Variants in UTF1 observed in about 807,000 individuals in gnomAD.
The protein encoded by UTF1 is undifferentiated embryonic cell transcription factor 1.
A neutral mutation model predicts 11.8 loss-of-function variants in UTF1; 8 were observed. The ratio of observed to expected loss-of-function variants is 0.68; its 90% CI spans 0.40 to 1.23. UTF1 has a LOEUF of 1.23. Among genes scored for constraint, UTF1 ranks in the 50% most tolerant of loss-of-function variants. The pLI is 0.01. For synonymous variants in UTF1, 344 were observed against 271.7 expected (o/e 1.27, Z -2.62); for missense variants, 545 against 542.1 (o/e 1.01, Z -0.05).
In UTF1 at chr10:133,230,823, G is replaced by A. The variant is rs1451351234; in HGVS notation, c.535G>A (p.Ala179Thr). The change falls in exon 1 of 2, where the codon GCT becomes ACT. Residue 179 changes from alanine (A) to threonine (T), a missense_variant. This residue lies in a region of UTF1 where 394 missense variants were observed against 341.5 expected (regional missense o/e 1.15). Transcript: ENST00000304477. ...RRPVPNAHAP[A>T]PSEPDATPLP... Reference sequence around the variant, plus strand: ...CCCGGTCCCCAACGCGCACGCGCCGGCTCCCAGCGAACCAGGTAGGCGGGG... The same window carrying A: ...CCCGGTCCCCAACGCGCACGCGCCGACTCCCAGCGAACCAGGTAGGCGGGG... 1.5e-6 allele frequency: 2 copies of A among 1,307,668 alleles called. No homozygotes were observed. Among genetic ancestry groups the A allele is most frequent in the Non-Finnish European group, 1.9e-6 (2 of 1,036,846 alleles). The allele number at this position is 1,307,668 out of a possible 1,614,324, so 81.0% of individuals were successfully genotyped here.
In UTF1 at chr10:133,230,438, G is replaced by A; in HGVS notation, c.150G>A (p.Gly50=). The change falls in exon 1 of 2, where the codon GGG becomes GGA. Residue 50 remains glycine, a synonymous_variant. Coordinates refer to ENST00000304477, the MANE Select transcript of UTF1 (RefSeq NM_003577.3). ...PASPSALGEL[G]LPVSPGSAQR... Reference sequence around the variant, plus strand: ...CGCCCAGCGCGCTGGGGGAACTCGGGTTGCCGGTGTCCCCGGGCTCGGCGC... The same window carrying A: ...CGCCCAGCGCGCTGGGGGAACTCGGATTGCCGGTGTCCCCGGGCTCGGCGC... 2 of 1,394,322 alleles carry A rather than the reference G, an allele frequency of 1.4e-6. No homozygotes were observed. The highest frequency in any genetic ancestry group is 1.5e-5 in the South Asian group (1 of 68,956). 86.4% of individuals were successfully genotyped at this position (1,394,322 alleles called of 1,614,324 possible). A position where few individuals can be genotyped will look rare whatever the true frequency, so the allele number is the denominator to read the frequency against.
chr10:133,231,374 C>A lies in UTF1; in HGVS notation c.958C>A (p.Leu320Met). ...LRGAFDQTVS[L>M]AVGFILGSAA... ...CGGCGCCTTCGACCAGACAGTGTCC[C>A]TGGCCGTGGGCTTCATTCTGGGCAG... The change falls in exon 2 of 2, where the codon CTG becomes ATG. Residue 320 changes from leucine to methionine, a missense_variant. By Grantham distance (15) the Leu-to-Met change is conservative (BLOSUM62 2). Transcript: ENST00000304477. 1.3e-6 allele frequency: 2 copies of A among 1,593,498 alleles called. No individual in the cohort carries two copies. Among genetic ancestry groups the A allele is most frequent in the East Asian group, 2.3e-5 (1 of 44,216 alleles).
chr10:133,230,958 C>G lies in UTF1; in HGVS notation c.551-9C>G. 1.5e-6 allele frequency: 2 copies of G among 1,304,274 alleles called. No homozygotes were observed. The highest frequency in any genetic ancestry group is 9.7e-7 in the Non-Finnish European group (1 of 1,030,838). The allele number at this position is 1,304,274 out of a possible 1,614,324, so 80.8% of individuals were successfully genotyped here. On this transcript the variant is annotated splice_polypyrimidine_tract_variant and intron_variant, in intron 1 of 1. Coordinates refer to ENST00000304477, the MANE Select transcript of UTF1 (RefSeq NM_003577.3). ...AAAATCCGCCCGACCGCCTGCTCCG[C>G]GTTCCCAGACGCCACCCCGCTGCCC...
In UTF1 at chr10:133,231,462, T is replaced by C. The variant is rs922714286; in HGVS notation, c.*20T>C. 7 of 1,428,228 alleles carry C rather than the reference T, an allele frequency of 4.9e-6. No homozygotes were observed. Among genetic ancestry groups the C allele is most frequent in the Non-Finnish European group, 6.4e-6 (7 of 1,092,498 alleles). 88.5% of individuals were successfully genotyped at this position (1,428,228 alleles called of 1,614,324 possible). A position where few individuals can be genotyped will look rare whatever the true frequency, so the allele number is the denominator to read the frequency against. ...CAGTGAGTCCCGGCTGCGGCCAGTC[T>C]CCCCTCTCCAGGCCGAGGCCCCTCC... On this transcript the variant is annotated 3_prime_UTR_variant, in exon 2 of 2. Transcript: ENST00000304477.
Position 133,230,785 on chromosome 10 carries a change from A to G in UTF1, c.497A>G (p.Gln166Arg). ...CGCTCCCCGGGGTCCGGGCGCCCCC[A>G]GCGCGCCCGCCGCCCGGTCCCCAAC... is the stretch of plus-strand genomic sequence containing the variant. The part of the protein sequence containing the change: ...RRRSPGSGRP[Q>R]RARRPVPNAH... The change falls in exon 1 of 2, where the codon CAG becomes CGG. Residue 166 changes from glutamine to arginine, a missense_variant. By Grantham distance (43) the Gln-to-Arg change is conservative (BLOSUM62 1). Transcript: ENST00000304477. The G allele has an allele frequency of 7.5e-7, 1 of 1,333,328 alleles. No individual in the cohort carries two copies. 82.6% of individuals were successfully genotyped at this position (1,333,328 alleles called of 1,614,324 possible).
chr10:133,230,236 CG>C lies in UTF1; in HGVS notation c.-50del. The stretch of plus-strand genomic sequence containing the variant: ...ATGCTCAGAACGCGTGTGGGCGGCC[CG>C]GGCGGCGTCTGGCCCTCTCCCCATC... On this transcript the variant is annotated 5_prime_UTR_variant, in exon 1 of 2. Coordinates refer to ENST00000304477, the MANE Select transcript of UTF1 (RefSeq NM_003577.3). 1 of 1,028,786 alleles carries C rather than the reference CG, an allele frequency of 9.7e-7. No homozygotes were observed. Among genetic ancestry groups the C allele is most frequent in the Non-Finnish European group, 1.2e-6 (1 of 859,740 alleles). The allele number at this position is 1,028,786 out of a possible 1,614,324, so 63.7% of individuals were successfully genotyped here. A position where few individuals can be genotyped will look rare whatever the true frequency, so the allele number is the denominator to read the frequency against.
chr10:133,230,359 C>T lies in UTF1; in HGVS notation c.71C>T (p.Pro24Leu). Residue 24 changes from proline to leucine, a missense_variant, in exon 1 of 2, where the codon CCC (proline) becomes CTC (leucine). Around this residue, in one of 3 missense-constraint regions of UTF1, gnomAD observed 129 missense variants for 148.5 expected, o/e 0.87. Transcript: ENST00000304477. ...CCGCCCTCGCCCGCCAGCCCCGACC[C>T]CGAGCCGCGGACACCCGGAGACGCC... is the stretch of plus-strand genomic sequence containing the variant. ...PAPPSPASPD[P>L]EPRTPGDAPG... is the part of the protein sequence containing the mutation. The T allele has an allele frequency of 8.3e-7, 1 of 1,198,320 alleles. No individual in the cohort carries two copies. The highest frequency in any genetic ancestry group is 1.0e-6 in the Non-Finnish European group (1 of 967,190). The allele number at this position is 1,198,320 out of a possible 1,614,324, so 74.2% of individuals were successfully genotyped here.
In UTF1 at chr10:133,230,982, C is replaced by G. The variant is rs1157896106; in HGVS notation, c.566C>G (p.Pro189Arg). Residue 189 changes from proline (P) to arginine (R), a missense_variant, in exon 2 of 2, where the codon CCC (proline) becomes CGC (arginine). This residue lies in a region of UTF1 where 394 missense variants were observed against 341.5 expected (regional missense o/e 1.15). Coordinates refer to ENST00000304477, the MANE Select transcript of UTF1 (RefSeq NM_003577.3). Reference sequence around the variant, plus strand: ...GCGTTCCCAGACGCCACCCCGCTGCCCACCGCCCGCGACCGCGACGCGGAC... The same window carrying G: ...GCGTTCCCAGACGCCACCCCGCTGCGCACCGCCCGCGACCGCGACGCGGAC... The part of the protein sequence containing the change: ...APSEPDATPL[P>R]TARDRDADPT... 7.5e-7 allele frequency: 1 copy of G among 1,328,372 alleles called. No homozygotes were observed. The highest frequency in any genetic ancestry group is 3.2e-5 in the East Asian group (1 of 31,366). 82.3% of individuals were successfully genotyped at this position (1,328,372 alleles called of 1,614,324 possible).
At position 133,230,463 on chromosome 10, in the gene UTF1, C is replaced by A; in HGVS notation, c.175C>A (p.Gln59Lys). Residue 59 changes from glutamine to lysine, a missense_variant, in exon 1 of 2, where the codon CAG (glutamine) becomes AAG (lysine). Around this residue, in one of 3 missense-constraint regions of UTF1, gnomAD observed 129 missense variants for 148.5 expected, o/e 0.87. Transcript: ENST00000304477. ...LGLPVSPGSA[Q>K]RTPWSARETE... ...GTTGCCGGTGTCCCCGGGCTCGGCG[C>A]AGCGCACGCCCTGGAGCGCCCGGGA... 1 of 1,419,750 alleles carries A rather than the reference C, an allele frequency of 7.0e-7. No homozygotes were observed. Among genetic ancestry groups the A allele is most frequent in the Non-Finnish European group, 9.2e-7 (1 of 1,087,200 alleles). 87.9% of individuals were successfully genotyped at this position (1,419,750 alleles called of 1,614,324 possible). A position where few individuals can be genotyped will look rare whatever the true frequency, so the allele number is the denominator to read the frequency against.
rs188687239 is a variant in UTF1 at position 133,231,126 on chromosome 10, G to C, written c.710G>C (p.Arg237Pro). 2 of 1,173,318 alleles carry C rather than the reference G, an allele frequency of 1.7e-6. No homozygotes were observed. Among genetic ancestry groups the C allele is most frequent in the Non-Finnish European group, 2.1e-6 (2 of 958,812 alleles). 72.7% of individuals were successfully genotyped at this position (1,173,318 alleles called of 1,614,324 possible). Residue 237 changes from arginine to proline, a missense_variant, in exon 2 of 2, where the codon CGC becomes CCC. Transcript: ENST00000304477. ...CTCGCCACCTGCATCCCCGAGGACC[G>C]CGCGCCCGTCCGCGGCCCCGGGTCC... is the stretch of plus-strand genomic sequence containing the variant. ...TALATCIPED[R>P]APVRGPGSPP...
In UTF1 at chr10:133,231,526, G is replaced by T. The variant is rs553055444; in HGVS notation, c.*84G>T. 1.2e-4 allele frequency: 140 copies of T among 1,130,930 alleles called. No homozygotes were observed. Among genetic ancestry groups the T allele is most frequent in the Non-Finnish European group, 1.5e-4 (127 of 841,776 alleles). 70.1% of individuals were successfully genotyped at this position (1,130,930 alleles called of 1,614,324 possible). A position where few individuals can be genotyped will look rare whatever the true frequency, so the allele number is the denominator to read the frequency against. On this transcript the variant is annotated 3_prime_UTR_variant, in exon 2 of 2. Transcript: ENST00000304477. ...CTGCTGCCTTCCCACCCCCGTTCTT[G>T]GGTATGTTCAATAAAAGGATTGTTT... is the stretch of plus-strand genomic sequence containing the variant.
rs1022283842 is a variant in UTF1 at position 133,230,330 on chromosome 10, C to T, written c.42C>T (p.Pro14=). The T allele has an allele frequency of 6.6e-5, 74 of 1,119,692 alleles. 1 individual carries two copies. The African/African-American group carries it at 1.1e-3, about 17-fold the overall frequency. The allele number at this position is 1,119,692 out of a possible 1,614,324, so 69.4% of individuals were successfully genotyped here. Residue 14 remains proline (P), a synonymous_variant, in exon 1 of 2, where the codon CCC becomes CCT. Coordinates refer to ENST00000304477, the MANE Select transcript of UTF1 (RefSeq NM_003577.3). ...RPRRPPPLAP[P]APPSPASPDP... is the part of the protein sequence containing the mutation. ...GCAGGCCGCCCCCGCTCGCGCCCCC[C>T]GCGCCGCCCTCGCCCGCCAGCCCCG...
chr10:133,231,013 C>G lies in UTF1; in HGVS notation c.597C>G (p.Thr199=). 2.2e-6 allele frequency: 3 copies of G among 1,337,378 alleles called. No individual in the cohort carries two copies. The highest frequency in any genetic ancestry group is 3.7e-5 in the South Asian group (2 of 53,832). The allele number at this position is 1,337,378 out of a possible 1,614,324, so 82.8% of individuals were successfully genotyped here. ...CCCGCGACCGCGACGCGGACCCCAC[C>G]TGGACGCTCCGCTTCAGCCCGTCCC... is the stretch of plus-strand genomic sequence containing the variant. ...PTARDRDADP[T]WTLRFSPSPP... is the part of the protein sequence containing the mutation. The change falls in exon 2 of 2, where the codon ACC becomes ACG. Residue 199 remains threonine, a synonymous_variant. Transcript: ENST00000304477.
rs1034272421 is a variant in UTF1 at position 133,231,367 on chromosome 10, A to G, written c.951A>G (p.Thr317=). The change falls in exon 2 of 2, where the codon ACA becomes ACG. Residue 317 remains threonine (T), a synonymous_variant. Transcript: ENST00000304477. The part of the protein sequence containing the change: ...VEQLRGAFDQ[T]VSLAVGFILG... The stretch of plus-strand genomic sequence containing the variant: ...AGCTGCGCGGCGCCTTCGACCAGAC[A>G]GTGTCCCTGGCCGTGGGCTTCATTC... The G allele has an allele frequency of 1.0e-5, 16 of 1,595,784 alleles. No individual in the cohort carries two copies. The highest frequency in any genetic ancestry group is 2.7e-5 in the African/African-American group (2 of 74,618).
Position 133,230,788 on chromosome 10 carries a change from G to A in UTF1, c.500G>A (p.Arg167His). 7.5e-7 allele frequency: 1 copy of A among 1,333,996 alleles called. No homozygotes were observed. The highest frequency in any genetic ancestry group is 9.5e-7 in the Non-Finnish European group (1 of 1,050,632). The allele number at this position is 1,333,996 out of a possible 1,614,324, so 82.6% of individuals were successfully genotyped here. Residue 167 changes from arginine to histidine, a missense_variant, in exon 1 of 2, where the codon CGC becomes CAC. Coordinates refer to ENST00000304477, the MANE Select transcript of UTF1 (RefSeq NM_003577.3). ...RRSPGSGRPQ[R>H]ARRPVPNAHA... The stretch of plus-strand genomic sequence containing the variant: ...TCCCCGGGGTCCGGGCGCCCCCAGC[G>A]CGCCCGCCGCCCGGTCCCCAACGCG...
chr10:133,230,648 C>T lies in UTF1; in HGVS notation c.360C>T (p.Phe120=), dbSNP rs1044240095. 1.0e-5 allele frequency: 15 copies of T among 1,482,530 alleles called. No homozygotes were observed. The highest frequency in any genetic ancestry group is 2.0e-4 in the Middle Eastern group (1 of 5,020). 91.8% of individuals were successfully genotyped at this position (1,482,530 alleles called of 1,614,324 possible). Residue 120 remains phenylalanine (F), a synonymous_variant, in exon 1 of 2, where the codon TTC becomes TTT. Coordinates refer to ENST00000304477, the MANE Select transcript of UTF1 (RefSeq NM_003577.3). ...TPAQCRRRYK[F]LKDKFREAHG... ...CGCAGTGCCGCCGCCGCTACAAGTT[C>T]CTTAAAGACAAGTTTCGCGAGGCGC... is the stretch of plus-strand genomic sequence containing the variant.
chr10:133,230,988 C>G lies in UTF1; in HGVS notation c.572C>G (p.Ala191Gly). Residue 191 changes from alanine to glycine, a missense_variant, in exon 2 of 2, where the codon GCC becomes GGC. Physicochemically the swap from Ala to Gly is moderately conservative, Grantham distance 60. Transcript: ENST00000304477. ...SEPDATPLPT[A>G]RDRDADPTWT... Reference sequence around the variant, plus strand: ...CCAGACGCCACCCCGCTGCCCACCGCCCGCGACCGCGACGCGGACCCCACC... The same window carrying G: ...CCAGACGCCACCCCGCTGCCCACCGGCCGCGACCGCGACGCGGACCCCACC... 1 of 1,332,368 alleles carries G rather than the reference C, an allele frequency of 7.5e-7. No individual in the cohort carries two copies. The highest frequency in any genetic ancestry group is 9.6e-7 in the Non-Finnish European group (1 of 1,045,076). 82.5% of individuals were successfully genotyped at this position (1,332,368 alleles called of 1,614,324 possible). A position where few individuals can be genotyped will look rare whatever the true frequency, so the allele number is the denominator to read the frequency against.
Position 133,231,538 on chromosome 10 carries a change from T to G in UTF1, c.*96T>G. 9.6e-7 allele frequency: 1 copy of G among 1,036,826 alleles called. No individual in the cohort carries two copies. Among genetic ancestry groups the G allele is most frequent in the Non-Finnish European group, 1.3e-6 (1 of 755,638 alleles). 64.2% of individuals were successfully genotyped at this position (1,036,826 alleles called of 1,614,324 possible). A position where few individuals can be genotyped will look rare whatever the true frequency, so the allele number is the denominator to read the frequency against. On this transcript the variant is annotated 3_prime_UTR_variant, in exon 2 of 2. Coordinates refer to ENST00000304477, the MANE Select transcript of UTF1 (RefSeq NM_003577.3). ...CACCCCCGTTCTTGGGTATGTTCAA[T>G]AAAAGGATTGTTTTCCTAGAGTCCG...
At position 133,230,810 on chromosome 10, in the gene UTF1, C is replaced by T; in HGVS notation, c.522C>T (p.Asn174=). ...RPQRARRPVP[N]AHAPAPSEPD... ...AGCGCGCCCGCCGCCCGGTCCCCAA[C>T]GCGCACGCGCCGGCTCCCAGCGAAC... Residue 174 remains asparagine, a synonymous_variant, in exon 1 of 2, where the codon AAC becomes AAT. Transcript: ENST00000304477. 1.5e-6 allele frequency: 2 copies of T among 1,317,578 alleles called. No homozygotes were observed. The highest frequency in any genetic ancestry group is 1.9e-6 in the Non-Finnish European group (2 of 1,042,288). The allele number at this position is 1,317,578 out of a possible 1,614,324, so 81.6% of individuals were successfully genotyped here. A position where few individuals can be genotyped will look rare whatever the true frequency, so the allele number is the denominator to read the frequency against.
Sources: gnomAD v4.1 joint callset for allele counts on GRCh38, gnomAD v4.1.1 for gene constraint, gnomAD v4.1.1 regional missense constraint, MANE v1.5 for transcripts, NCBI Gene and HGNC (gene_info 2026-07-23, HGNC 2026-07-21) for gene names.